AXDND1: variants seen among roughly 807,000 people sequenced by gnomAD.
AXDND1 encodes axonemal dynein light chain domain-containing protein 1.
In AXDND1, 110 loss-of-function variants were observed where a neutral mutation model predicts 137.5. The ratio of observed to expected loss-of-function variants is 0.80; its 90% CI spans 0.69 to 0.94. The LOEUF is 0.94. AXDND1 is among the 40% of genes least tolerant of loss of function. The probability of loss-of-function intolerance (pLI) is 0.00; values close to 1 mark genes in which losing one functional copy is unlikely to be tolerated. For synonymous variants in AXDND1, 414 were observed against 399.7 expected, an observed-to-expected ratio of 1.04 and a Z score of -0.43; for missense variants, 1,191 against 1,169.8, an observed-to-expected ratio of 1.02 and a Z score of -0.26.
intron 15 of AXDND1, among the ~76,000 whole-genome samples, chr1:179,437,070 A>G (rs938482466): frequency 3.2e-5 from 2 of 63,016 alleles, no homozygotes; most frequent in Non-Finnish European, 3.5e-5. Flanking sequence ...ACACTCACTG[A>G]AAAAAAAAAA....
intron 16 of AXDND1, chr1:179,448,249 A>C (rs1660017936): frequency 1.3e-6 from 1 of 787,750 alleles, no homozygotes; most frequent in Admixed American, 1.8e-5. Context: ...TATTCTGTAT[A>C]CTTGAGAAGA....
At chr1:179,381,834 G>A (rs1648375288) in intron 6 of AXDND1, among the ~76,000 whole-genome samples, 1 of 151,810 alleles carries the variant, frequency 6.6e-6, no homozygotes, top group Non-Finnish European at 1.5e-5. Context: ...AAGCTGGAGT[G>A]CAGTGGCGTG....
intron 23 of AXDND1, among the ~76,000 whole-genome samples, chr1:179,532,720 C>T (rs1231436220): frequency 6.6e-6 from 1 of 151,720 alleles, no homozygotes; most frequent in South Asian, 2.1e-4. Flanking sequence ...CAATCTCTAC[C>T]TAAAAAAATT....
intron 12 of AXDND1, among the ~76,000 whole-genome samples, chr1:179,428,321 A>G (rs544530592): frequency 1.4e-4 from 21 of 152,358 alleles, no homozygotes; most frequent in Middle Eastern, 3.4e-3. Flanking sequence ...AGGTTTCTGT[A>G]GAATTCCTTG....
At chr1:179,518,316 ATCTG>A (rs1669734190) in intron 21 of AXDND1, among the ~76,000 whole-genome samples, 1 of 150,954 alleles carries the variant, frequency 6.6e-6, no homozygotes, top group East Asian at 1.9e-4. Flanking sequence ...TTTTCTATTG[ATCTG>A]TCTATTAGTG....
At chr1:179,384,720 A>G (rs986717147) in intron 8 of AXDND1, among the ~76,000 whole-genome samples, 2 of 151,956 alleles carry the variant, frequency 1.3e-5, no homozygotes, top group Non-Finnish European at 2.9e-5. Context: ...GCTATAACAT[A>G]GAAGTGATAT....
chr1:179,456,040 T>C (rs1216920544), intron 16 of AXDND1: 1 of 428,680 alleles, frequency 2.3e-6, no homozygotes. Context: ...GTTATAGAGT[T>C]AGTCACAAAT....
At chr1:179,508,848 T>A (rs1386281770) in intron 20 of AXDND1, among the ~76,000 whole-genome samples, 2 of 152,148 alleles carry the variant, frequency 1.3e-5, no homozygotes, top group African/African-American at 4.8e-5. Context: ...ATGAGGATAA[T>A]AATAGTTAAT....
intron 4 of AXDND1, among the ~76,000 whole-genome samples, chr1:179,377,920 C>T (rs186223452): frequency 3.3e-5 from 5 of 152,198 alleles, no homozygotes; most frequent in Admixed American, 2.0e-4. Context: ...TGCCTGTAAT[C>T]CCAGCACTTT....
intron 25 of AXDND1, among the ~76,000 whole-genome samples, chr1:179,536,478 C>A (rs2125713523): frequency 1.3e-5 from 2 of 152,282 alleles, no homozygotes; most frequent in South Asian, 4.1e-4. Context: ...AATCCTTTCT[C>A]CATTGCTTGT....
chr1:179,529,129 T>C (rs1435545395), intron 23 of AXDND1, among the ~76,000 whole-genome samples: 1 of 152,202 alleles, frequency 6.6e-6, no homozygotes, highest in African/African-American at 2.4e-5. Context: ...TGTAGGACCA[T>C]GGTAGACTTC....
At chr1:179,548,994 A>G (rs1672919706) in intron 25 of AXDND1, 1 of 152,154 alleles carries the variant, frequency 6.6e-6, no homozygotes, top group Non-Finnish European at 1.5e-5. Flanking sequence ...ATTGTCATAG[A>G]GTGTGCCATA....
chr1:179,386,353 AT>A (rs1384452698), intron 9 of AXDND1, among the ~76,000 whole-genome samples: 1 of 151,336 alleles, frequency 6.6e-6, no homozygotes, highest in African/African-American at 2.4e-5. Context: ...CAGCCTTAAG[AT>A]TTTTTCTTTA....
At chr1:179,483,693 A>C (rs1367651700) in intron 18 of AXDND1, among the ~76,000 whole-genome samples, 1 of 152,204 alleles carries the variant, frequency 6.6e-6, no homozygotes, top group Non-Finnish European at 1.5e-5. Flanking sequence ...CATATGCTCA[A>C]TTTGTTATTT....
chr1:179,533,778 C>T lies in AXDND1; in HGVS notation c.2716-17C>T, dbSNP rs1298434759. 1 of 1,579,444 alleles carries T rather than the reference C, an allele frequency of 6.3e-7. No individual in the cohort carries two copies. The highest frequency in any genetic ancestry group is 8.7e-7 in the Non-Finnish European group (1 of 1,149,238). The stretch of plus-strand genomic sequence containing the variant: ...TGAGACTGTCAGTTCATTCATATCT[C>T]ATATTTCCTCTGTCAGAGAGAGTCA... On this transcript the variant is annotated splice_polypyrimidine_tract_variant and intron_variant, in intron 23 of 25. Coordinates refer to ENST00000367618, the MANE Select transcript of AXDND1 (RefSeq NM_144696.6).
chr1:179,479,321 C>CAA, intron 17 of AXDND1, among the ~76,000 whole-genome samples: 1 of 151,060 alleles, frequency 6.6e-6, no homozygotes, highest in East Asian at 2.0e-4. Context: ...TACTAAAATA[C>CAA]AAAATTAGCT....
chr1:179,409,876 T>G (rs551328106), intron 11 of AXDND1, among the ~76,000 whole-genome samples: 27 of 152,310 alleles, frequency 1.8e-4, no homozygotes, highest in Admixed American at 8.5e-4. Context: ...CTCCAGTGTT[T>G]TTTTTTTAAA....
In AXDND1 at chr1:179,378,778, A is replaced by T. The variant is rs763184843; in HGVS notation, c.495+21A>T. ...ATAAGGTAAATAAAGTATTTGACAA[A>T]TAATCTTCTCTCCCTCTGTCTACTT... On this transcript the variant is annotated intron_variant, in intron 5 of 25. Coordinates refer to ENST00000367618, the MANE Select transcript of AXDND1 (RefSeq NM_144696.6). 4.8e-5 allele frequency: 70 copies of T among 1,473,244 alleles called. No homozygotes were observed. In the South Asian group the frequency reaches 1.1e-3, roughly 23 times the overall value. 91.3% of individuals were successfully genotyped at this position (1,473,244 alleles called of 1,614,324 possible).
intron 18 of AXDND1, among the ~76,000 whole-genome samples, chr1:179,488,637 T>TTC (rs1666409460): frequency 8.6e-5 from 2 of 23,366 alleles, no homozygotes; most frequent in Admixed American, 9.6e-4. Flanking sequence ...TCTCTCTCCT[T>TTC]TCTTTCTTTC....
Sources: allele counts gnomAD v4.1 joint callset (sites outside exome capture counted in the v4.1 genomes callset), GRCh38; gene constraint gnomAD v4.1.1; transcripts MANE v1.5; gene names NCBI Gene and HGNC (gene_info 2026-07-23, HGNC 2026-07-21).